HELZ: variants seen among roughly 807,000 people sequenced by gnomAD.
HELZ encodes ATP-dependent RNA helicase with zinc finger domain.
A neutral mutation model predicts 218.2 loss-of-function variants in HELZ; 23 were observed. The ratio of observed to expected loss-of-function variants is 0.11; its 90% confidence interval spans 0.08 to 0.15. The LOEUF (loss-of-function observed/expected upper bound fraction) is 0.15, where lower values mean the gene tolerates loss of function less well. Ranked by LOEUF, HELZ falls within the 10% of genes least tolerant of loss-of-function variation. The pLI is 1.00. For missense variants in HELZ, 1,813 were observed against 2,353.7 expected, an observed-to-expected ratio of 0.77 and a Z score of 4.75; for synonymous variants, 814 against 829.4, an observed-to-expected ratio of 0.98 and a Z score of 0.32.
intron 31 of HELZ, among the ~76,000 whole-genome samples, chr17:67,095,130 G>C (rs2036703779): frequency 6.6e-6 from 1 of 152,122 alleles, no homozygotes; most frequent in African/African-American, 2.4e-5. Context: ...TAAATTTATG[G>C]AATATTCTAA....
chr17:67,078,133 G>T lies in HELZ; in HGVS notation c.*119C>A. On this transcript the variant is annotated 3_prime_UTR_variant, in exon 33 of 33. Coordinates refer to ENST00000358691, the MANE Select transcript of HELZ (RefSeq NM_014877.4). ...GTCTAGCAGCAAAGCAATTAAGTGA[G>T]AACATATTTAATATTAAAACAAAGG... 2 of 680,172 alleles carry T rather than the reference G, an allele frequency of 2.9e-6. No homozygotes were observed. Among genetic ancestry groups the T allele is most frequent in the Non-Finnish European group, 4.9e-6 (2 of 405,260 alleles). The allele number at this position is 680,172 out of a possible 1,614,324, so 42.1% of individuals were successfully genotyped here.
intron 3 of HELZ, chr17:67,225,329 G>A (rs897177648): frequency 5.7e-6 from 1 of 176,250 alleles, no homozygotes; most frequent in Non-Finnish European, 1.2e-5. Flanking sequence ...CAGTTACACT[G>A]TAAACGACAG....
chr17:67,227,588 T>C (rs2040929393), intron 3 of HELZ, among the ~76,000 whole-genome samples: 2 of 152,214 alleles, frequency 1.3e-5, no homozygotes, highest in Admixed American at 6.5e-5. Flanking sequence ...ATGTAGGTTT[T>C]AGAGACAAGA....
chr17:67,241,996 T>C lies in HELZ; in HGVS notation c.-76+1788A>G, dbSNP rs550687672. ...GGAAAATGTCTTGACACAATTCAGG[T>C]CAAACAACACTAGCCACACAAGATT... On this transcript the variant is annotated intron_variant, in intron 2 of 32. Coordinates refer to ENST00000358691, the MANE Select transcript of HELZ (RefSeq NM_014877.4). 2.0e-5 allele frequency among the ~76,000 whole-genome samples: 3 copies of C among 152,320 alleles called. No individual in the cohort carries two copies. In the South Asian group the frequency reaches 6.2e-4, roughly 32 times the overall value.
chr17:67,208,819 C>T (rs143695539), intron 5 of HELZ, among the ~76,000 whole-genome samples: 1,600 of 151,728 alleles, frequency 0.011, 31 homozygotes, highest in African/African-American at 0.036. Context: ...TGCCTATAGT[C>T]CCAGCTACTT....
rs547186352 is a variant in HELZ at position 67,147,187 on chromosome 17, C to G, written c.2622-1297G>C. On this transcript the variant is annotated intron_variant, in intron 20 of 32. Transcript: ENST00000358691. ...TTCATATAGATTATATATTTAGTCA[C>G]AGAAAAACATATGCATAGCTAACAG... 2.6e-5 allele frequency among the ~76,000 whole-genome samples: 4 copies of G among 152,186 alleles called. No homozygotes were observed. The East Asian group carries it at 7.7e-4, about 29-fold the overall frequency.
intron 3 of HELZ, among the ~76,000 whole-genome samples, chr17:67,234,702 TA>T (rs200450630): frequency 4.7e-5 from 7 of 147,572 alleles, no homozygotes; most frequent in Admixed American, 6.8e-5. Context: ...AGTTAAATAT[TA>T]AAAAAAAAAC....
rs547229591 is a variant in HELZ, at chr17:67,131,724, CTAT to C, written c.3183-2872_3183-2870del. Among the ~76,000 whole-genome samples, 8 of 152,194 alleles carry C rather than the reference CTAT, an allele frequency of 5.3e-5. No individual in the cohort carries two copies. The East Asian group carries it at 1.4e-3, about 26-fold the overall frequency. ...TGTGCAAAGTGGGGCGCCAGCACTA[CTAT>C]TATTATTATTCCTTACTATTGAAAT... On this transcript the variant is annotated intron_variant, in intron 23 of 32. Coordinates refer to ENST00000358691, the MANE Select transcript of HELZ (RefSeq NM_014877.4).
rs1176316121 is a variant in HELZ, at chr17:67,078,255, T to C, written c.5826A>G (p.Lys1942=). ...SGSNGFYSYF[K] ...CCTTGAGGGAAAAAAAAAGTGATTATTTAAAATATGAGTAAAAGCCATTGC... is the reference window on the plus strand; with the variant it reads ...CCTTGAGGGAAAAAAAAAGTGATTACTTAAAATATGAGTAAAAGCCATTGC... The change falls in exon 33 of 33, where the codon AAA becomes AAG. Residue 1942 remains lysine (K), a synonymous_variant. Coordinates refer to ENST00000358691, the MANE Select transcript of HELZ (RefSeq NM_014877.4). 1 of 1,608,418 alleles carries C rather than the reference T, an allele frequency of 6.2e-7. No individual in the cohort carries two copies. The highest frequency in any genetic ancestry group is 2.2e-5 in the East Asian group (1 of 44,836).
chr17:67,172,917 T>G (rs562841457), intron 13 of HELZ: 2 of 317,398 alleles, frequency 6.3e-6, no homozygotes, highest in South Asian at 1.2e-4. Context: ...TTAGGCCATA[T>G]ATTAAAGTTT....
rs2037572759 is a variant in HELZ at position 67,120,439 on chromosome 17, A to C, written c.3804T>G (p.His1268Gln). The C allele has an allele frequency of 2.5e-6, 4 of 1,614,062 alleles. No homozygotes were observed. Among genetic ancestry groups the C allele is most frequent in the Non-Finnish European group, 2.5e-6 (3 of 1,180,020 alleles). ...PVTIGQPQNQ[H>Q]QEKDQHEQNR... ...TTTGCTCATGTTGATCCTTCTCCTG[A>C]TGCTGATTTTGTGGCTGGCCTATGG... Residue 1268 changes from histidine (H) to glutamine (Q), a missense_variant, in exon 27 of 33, where the codon CAT becomes CAG. His to Gln is a conservative substitution (Grantham distance 24). Transcript: ENST00000358691.
At chr17:67,227,545 A>T (rs2040928337) in intron 3 of HELZ, among the ~76,000 whole-genome samples, 1 of 152,200 alleles carries the variant, frequency 6.6e-6, no homozygotes, top group Non-Finnish European at 1.5e-5. Context: ...TGCTGTGAAT[A>T]AACAGAAAAC....
At chr17:67,196,042 G>A (rs563331380) in intron 7 of HELZ, among the ~76,000 whole-genome samples, 72 of 151,818 alleles carry the variant, frequency 4.7e-4, no homozygotes, top group Admixed American at 3.8e-3. Context: ...AGTAGAGATG[G>A]GGTTTCACCA....
chr17:67,113,021 CTA>C (rs906785266), intron 28 of HELZ, among the ~76,000 whole-genome samples: 2 of 151,790 alleles, frequency 1.3e-5, no homozygotes, highest in Admixed American at 6.6e-5. Flanking sequence ...GAAATGTAGA[CTA>C]TGTGGATTAA....
intron 6 of HELZ, among the ~76,000 whole-genome samples, 172 bp downstream of exon 6, chr17:67,203,147 A>C (rs569089790): frequency 2.0e-5 from 3 of 152,268 alleles, no homozygotes; most frequent in African/African-American, 7.2e-5. Context: ...CAAAAAAAGA[A>C]AAGAAAGAAA....
intron 3 of HELZ, among the ~76,000 whole-genome samples, chr17:67,230,278 A>G (rs2041000881): frequency 6.6e-6 from 1 of 152,304 alleles, no homozygotes; most frequent in South Asian, 2.1e-4. Flanking sequence ...TTTAAAAGAT[A>G]TGAAGAAACA....
rs543025626 is a variant in HELZ, at chr17:67,201,320, C to T, written c.373-135G>A. On this transcript the variant is annotated intron_variant, in intron 6 of 32. Transcript: ENST00000358691. ...TTATCCTCATCCCTCATCACTACTA[C>T]CATTAACGATGACAATAAAGCAACA... is the stretch of plus-strand genomic sequence containing the variant. 2.3e-5 allele frequency: 13 copies of T among 575,846 alleles called. No homozygotes were observed. In the East Asian group the frequency reaches 3.3e-4, roughly 14 times the overall value. The allele number at this position is 575,846 out of a possible 1,614,324, so 35.7% of individuals were successfully genotyped here.
At chr17:67,121,765 TA>T (rs1348056279) in intron 26 of HELZ, among the ~76,000 whole-genome samples, 1 of 152,214 alleles carries the variant, frequency 6.6e-6, no homozygotes, top group Non-Finnish European at 1.5e-5. Flanking sequence ...GGACGGCCTC[TA>T]AAAATCTATA....
At chr17:67,223,845 G>A (rs2040817960) in intron 3 of HELZ, among the ~76,000 whole-genome samples, 1 of 152,180 alleles carries the variant, frequency 6.6e-6, no homozygotes, top group Non-Finnish European at 1.5e-5. Context: ...TGACTTGGAG[G>A]ATGTGACTTC....
Sources: allele counts gnomAD v4.1 joint callset (sites outside exome capture counted in the v4.1 genomes callset), GRCh38; gene constraint gnomAD v4.1.1; transcripts MANE v1.5; gene names NCBI Gene and HGNC (gene_info 2026-07-23, HGNC 2026-07-21).